The following XKR4 variants were observed in gnomAD, a reference collection of about 807,000 sequenced individuals.
XKR4 encodes XK related 4.
In XKR4, 12 loss-of-function variants were observed where a neutral mutation model predicts 53.9. The ratio of observed to expected loss-of-function variants is 0.22; its 90% confidence interval spans 0.14 to 0.36. XKR4 has a LOEUF of 0.36. Among genes scored for constraint, XKR4 ranks in the 10% least tolerant of loss-of-function variants. The probability of loss-of-function intolerance (pLI) is 1.00; values close to 1 mark genes in which losing one functional copy is unlikely to be tolerated. For missense variants in XKR4, 799 were observed against 859.5 expected (o/e 0.93, Z 0.88); for synonymous variants, 354 against 362.4 (o/e 0.98, Z 0.26).
intron 1 of XKR4, among the ~76,000 whole-genome samples, chr8:55,202,082 G>A (rs1817583115): frequency 6.6e-6 from 1 of 152,226 alleles, no homozygotes. Flanking sequence ...ATGGTGTGAA[G>A]AGGAAAGAAC....
chr8:55,349,631 G>A (rs765077241), intron 1 of XKR4, among the ~76,000 whole-genome samples: 4 of 152,132 alleles, frequency 2.6e-5, no homozygotes, highest in Non-Finnish European at 5.9e-5. Context: ...TGAAAATGAC[G>A]TTCAGGCAAA....
chr8:55,175,578 G>A (rs1817220724), intron 1 of XKR4, among the ~76,000 whole-genome samples: 2 of 152,166 alleles, frequency 1.3e-5, no homozygotes, highest in African/African-American at 4.8e-5. Flanking sequence ...CTAGAATTAT[G>A]TCAAATGTTA....
intron 2 of XKR4, among the ~76,000 whole-genome samples, chr8:55,421,547 G>GTCTTT (rs1257428652): frequency 1.3e-5 from 2 of 151,806 alleles, no homozygotes; most frequent in Non-Finnish European, 2.9e-5. Context: ...CTCTCTCTCT[G>GTCTTT]TCTTTCCAGG....
At chr8:55,500,273 C>A (rs1345553085) in intron 2 of XKR4, among the ~76,000 whole-genome samples, 1 of 151,444 alleles carries the variant, frequency 6.6e-6, no homozygotes, top group African/African-American at 2.4e-5. Flanking sequence ...CCTTGTTTTC[C>A]TGGCTTTATT....
chr8:55,238,768 A>T (rs1209579146), intron 1 of XKR4, among the ~76,000 whole-genome samples: 2 of 152,250 alleles, frequency 1.3e-5, no homozygotes, highest in African/African-American at 4.8e-5. Context: ...AGTCTGCCAC[A>T]TACAGAGAAA....
intron 1 of XKR4, among the ~76,000 whole-genome samples, chr8:55,299,635 C>T (rs536831228): frequency 4.6e-5 from 7 of 152,184 alleles, no homozygotes; most frequent in African/African-American, 1.2e-4. Context: ...TGAAAAGATG[C>T]AACATATTGG....
chr8:55,182,985 G>T (rs568558717), intron 1 of XKR4, among the ~76,000 whole-genome samples: 5 of 152,116 alleles, frequency 3.3e-5, no homozygotes, highest in Middle Eastern at 3.4e-3. Context: ...CATTTTGGTA[G>T]TTTATGTCTT....
intron 1 of XKR4, among the ~76,000 whole-genome samples, chr8:55,272,510 T>C (rs923457774): frequency 2.0e-5 from 3 of 152,158 alleles, no homozygotes; most frequent in Non-Finnish European, 4.4e-5. Flanking sequence ...CTCCTCAGGA[T>C]ACAGGCTTAG....
At chr8:55,180,310 A>C (rs865928607) in intron 1 of XKR4, among the ~76,000 whole-genome samples, 4 of 152,200 alleles carry the variant, frequency 2.6e-5, no homozygotes, top group African/African-American at 4.8e-5. Context: ...AATTGGATGG[A>C]TATGCAGCTG....
chr8:55,415,787 G>A (rs888552602), intron 2 of XKR4, among the ~76,000 whole-genome samples: 1 of 152,182 alleles, frequency 6.6e-6, no homozygotes, highest in Non-Finnish European at 1.5e-5. Context: ...TGTCTTGCGA[G>A]TTAAAAACTG....
intron 2 of XKR4, among the ~76,000 whole-genome samples, chr8:55,398,477 G>A (rs533084270): frequency 2.4e-4 from 37 of 152,280 alleles, no homozygotes; most frequent in African/African-American, 5.8e-4. Flanking sequence ...GAATAGCTCC[G>A]TTCTTTGTTG....
At chr8:55,309,587 A>C (rs879620184) in intron 1 of XKR4, among the ~76,000 whole-genome samples, 3 of 152,240 alleles carry the variant, frequency 2.0e-5, no homozygotes, top group Non-Finnish European at 4.4e-5. Flanking sequence ...AAGTGAAATG[A>C]GAGAAATATA....
chr8:55,321,570 G>C (rs1435760725), intron 1 of XKR4, among the ~76,000 whole-genome samples: 4 of 152,144 alleles, frequency 2.6e-5, no homozygotes, highest in African/African-American at 9.7e-5. Flanking sequence ...TGTCTTCCTT[G>C]TAGACTCATC....
chr8:55,211,720 G>C (rs1817734607), intron 1 of XKR4, among the ~76,000 whole-genome samples: 1 of 152,124 alleles, frequency 6.6e-6, no homozygotes, highest in African/African-American at 2.4e-5. Context: ...TAACCTACTG[G>C]TTTCAGTTAT....
chr8:55,421,635 A>G (rs1804934126), intron 2 of XKR4, among the ~76,000 whole-genome samples: 2 of 152,212 alleles, frequency 1.3e-5, no homozygotes, highest in Non-Finnish European at 1.5e-5. Context: ...TAACAAATTT[A>G]GGGTATAAGG....
At chr8:55,437,356 G>A (rs1250107924) in intron 2 of XKR4, among the ~76,000 whole-genome samples, 1 of 152,018 alleles carries the variant, frequency 6.6e-6, no homozygotes, top group Non-Finnish European at 1.5e-5. Flanking sequence ...AAGGGAGGAG[G>A]TTTCTACCCC....
chr8:55,159,174 A>G (rs186623905), intron 1 of XKR4, among the ~76,000 whole-genome samples: 7 of 152,248 alleles, frequency 4.6e-5, no homozygotes, highest in Admixed American at 3.9e-4. Context: ...TTGTATCTCC[A>G]CAATTCTCAT....
intron 1 of XKR4, among the ~76,000 whole-genome samples, chr8:55,207,309 G>A (rs1045967588): frequency 2.0e-5 from 3 of 152,182 alleles, no homozygotes; most frequent in Non-Finnish European, 2.9e-5. Context: ...TGGGACATTT[G>A]TGTCCAGAGC....
intron 1 of XKR4, among the ~76,000 whole-genome samples, chr8:55,279,789 G>A (rs1385310975): frequency 1.3e-5 from 2 of 152,170 alleles, no homozygotes; most frequent in African/African-American, 4.8e-5. Context: ...ATGTCTTGGA[G>A]TGTTGTTCCC....
Sources: allele counts gnomAD v4.1 joint callset (sites outside exome capture counted in the v4.1 genomes callset), GRCh38; gene constraint gnomAD v4.1.1; transcripts MANE v1.5; gene names NCBI Gene and HGNC (gene_info 2026-07-23, HGNC 2026-07-21).